The following AEN variants were observed in gnomAD, a reference collection of about 807,000 sequenced individuals.
AEN encodes the protein apoptosis-enhancing nuclease.
AEN carries 21 observed loss-of-function variants against 17.7 expected under a neutral mutation model. The ratio of observed to expected loss-of-function variants is 1.19; its 90% confidence interval spans 0.84 to 1.71. The LOEUF (loss-of-function observed/expected upper bound fraction) is 1.71. AEN is among the 40% of genes most tolerant of loss of function. The probability of loss-of-function intolerance (pLI) is 0.00; values close to 1 mark genes in which losing one functional copy is unlikely to be tolerated. For synonymous variants in AEN, 190 were observed against 173.0 expected, an observed-to-expected ratio of 1.10 and a Z score of -0.77; for missense variants, 462 against 435.9, an observed-to-expected ratio of 1.06 and a Z score of -0.53.
intron 3 of AEN, 92 bp from the exon 4 acceptor site, chr15:88,629,966 C>A: frequency 8.2e-7 from 1 of 1,221,788 alleles, no homozygotes; most frequent in Non-Finnish European, 1.2e-6. Context: ...CTTGGGCCTG[C>A]ACAAAGAGCC....
At position 88,631,359 on chromosome 15, in the gene AEN, G is replaced by C. The variant is rs1019165981; in HGVS notation, c.*1065G>C. On this transcript the variant is annotated 3_prime_UTR_variant, in exon 4 of 4. Coordinates refer to ENST00000332810, the MANE Select transcript of AEN (RefSeq NM_022767.4). Reference sequence around the variant, plus strand: ...CTCTTTGACAATCACTGTGGCTGTTGGGTTTTCTCCTATTTCTAAAAATGT... The same window carrying C: ...CTCTTTGACAATCACTGTGGCTGTTCGGTTTTCTCCTATTTCTAAAAATGT... 6 of 258,364 alleles carry C rather than the reference G, an allele frequency of 2.3e-5. No individual in the cohort carries two copies. Among genetic ancestry groups the C allele is most frequent in the African/African-American group, 1.3e-4 (6 of 45,208 alleles). 16.0% of individuals were successfully genotyped at this position (258,364 alleles called of 1,614,324 possible). A position where few individuals can be genotyped will look rare whatever the true frequency, so the allele number is the denominator to read the frequency against.
upstream of AEN, among the ~76,000 whole-genome samples, chr15:88,617,236 A>T (rs2057745590): frequency 6.6e-6 from 1 of 152,044 alleles, no homozygotes; most frequent in African/African-American, 2.4e-5. Context: ...GACTACAGGC[A>T]TGTGCCACCT....
At chr15:88,609,623 G>A in the AEN span, among the ~76,000 whole-genome samples, 3 of 152,132 alleles carry the variant, frequency 2.0e-5, no homozygotes, top group East Asian at 5.8e-4. Context: ...TTAGAAGTGG[G>A]GAGTGGAAGT....
chr15:88,623,001 C>T (rs2057807297), intron 1 of AEN, among the ~76,000 whole-genome samples: 1 of 152,098 alleles, frequency 6.6e-6, no homozygotes, highest in Non-Finnish European at 1.5e-5. Context: ...AAAACCTTGC[C>T]AGTAGGATCA....
rs1278614455 is a variant in AEN, at chr15:88,626,330, A to G, written c.121A>G (p.Met41Val). ...AAGGAGCCGACAGCACCAGCGGTTC[A>G]TGGCCCGGAAGGCCTTGCTGCAGGA... ...KRRSRQHQRF[M>V]ARKALLQEQG... The change falls in exon 2 of 4, where the codon ATG (methionine) becomes GTG (valine). Residue 41 changes from methionine to valine, a missense_variant. Coordinates refer to ENST00000332810, the MANE Select transcript of AEN (RefSeq NM_022767.4). 4 of 1,613,470 alleles carry G rather than the reference A, an allele frequency of 2.5e-6. No individual in the cohort carries two copies. The highest frequency in any genetic ancestry group is 4.5e-5 in the East Asian group (2 of 44,880).
At chr15:88,620,284 T>C (rs1436941702), upstream of AEN, among the ~76,000 whole-genome samples, 1 of 152,198 alleles carries the variant, frequency 6.6e-6, no homozygotes, top group Non-Finnish European at 1.5e-5. Context: ...ACTGAAATAA[T>C]AGTAAGGTCA....
At chr15:88,629,678 G>A (rs972979362) in intron 3 of AEN, among the ~76,000 whole-genome samples, 2 of 152,174 alleles carry the variant, frequency 1.3e-5, no homozygotes, top group African/African-American at 4.8e-5. Flanking sequence ...ATCTCTTCCA[G>A]ATCTGTCCCC....
intron 2 of AEN, 174 bp from the exon 3 acceptor site, chr15:88,629,052 C>T (rs1488740777): frequency 1.5e-6 from 1 of 647,410 alleles, no homozygotes; most frequent in Non-Finnish European, 2.7e-6. Flanking sequence ...GTAGAAGGGT[C>T]TGGGTTCAGA....
In AEN at chr15:88,630,171, C is replaced by G. The variant is rs750042398; in HGVS notation, c.855C>G (p.Pro285=). Residue 285 remains proline, a synonymous_variant, in exon 4 of 4, where the codon CCC becomes CCG. Coordinates refer to ENST00000332810, the MANE Select transcript of AEN (RefSeq NM_022767.4). This position sits in a 1 kb window ranked among gnomAD's most constrained non-coding sequence, Gnocchi z 5.1. ...AGGCCCGCAGCCTCTGGACCTGCCC[C>G]GAGGACAGAGAACCTGACAGCAGCA... The part of the protein sequence containing the change: ...QQEARSLWTC[P]EDREPDSSTD... 5.0e-6 allele frequency: 8 copies of G among 1,613,674 alleles called. No homozygotes were observed. The African/African-American group carries it at 8.0e-5, about 16-fold the overall frequency.
intron 1 of AEN, among the ~76,000 whole-genome samples, chr15:88,623,282 A>C (rs1391084606): frequency 6.6e-6 from 1 of 152,210 alleles, no homozygotes; most frequent in Non-Finnish European, 1.5e-5. Flanking sequence ...AGCAGGGTGG[A>C]TGAGTCAGGA....
At chr15:88,613,865 A>G in the AEN span, among the ~76,000 whole-genome samples, 1 of 152,188 alleles carries the variant, frequency 6.6e-6, no homozygotes, top group African/African-American at 2.4e-5. Flanking sequence ...TATACCCAAT[A>G]TTGGTCTCTT....
In AEN at chr15:88,626,351, C is replaced by T. The variant is rs1247105631; in HGVS notation, c.142C>T (p.Gln48Ter). 6.2e-7 allele frequency: 1 copy of T among 1,613,262 alleles called. No individual in the cohort carries two copies. Among genetic ancestry groups the T allele is most frequent in the Non-Finnish European group, 8.5e-7 (1 of 1,179,780 alleles). The change falls in exon 2 of 4, where the codon CAG (glutamine) becomes TAG (stop). Residue 48 changes from glutamine to a stop codon, truncating the protein, a stop_gained. Transcript: ENST00000332810. LOFTEE classifies it high-confidence loss of function. ...GTTCATGGCCCGGAAGGCCTTGCTG[C>T]AGGAGCAGGGGCTGCTGAGCATGCC... is the stretch of plus-strand genomic sequence containing the variant. ...QRFMARKALLQEQGLLSMPPE... is the reference protein window; with the variant it reads ...QRFMARKALL
At chr15:88,624,807 C>T (rs904729920) in intron 1 of AEN, among the ~76,000 whole-genome samples, 24 of 151,466 alleles carry the variant, frequency 1.6e-4, no homozygotes, top group Non-Finnish European at 2.9e-4. Flanking sequence ...CGCTTGAAGC[C>T]GGGAGGCGGA....
chr15:88,615,164 T>C, the AEN span, among the ~76,000 whole-genome samples: 399 of 152,222 alleles, frequency 2.6e-3, 3 homozygotes, highest in African/African-American at 8.4e-3. Context: ...GCGCCCGGCC[T>C]CGTCTGTGTT....
chr15:88,629,944 A>G, intron 3 of AEN, 114 bp from the exon 4 acceptor site: 1 of 925,928 alleles, frequency 1.1e-6, no homozygotes. Context: ...CTCCATTCTG[A>G]GCATACGTAT....
chr15:88,630,175 G>T lies in AEN; in HGVS notation c.859G>T (p.Asp287Tyr). 2 of 1,613,706 alleles carry T rather than the reference G, an allele frequency of 1.2e-6. No homozygotes were observed. Among genetic ancestry groups the T allele is most frequent in the Non-Finnish European group, 1.7e-6 (2 of 1,179,872 alleles). Residue 287 changes from aspartate (D) to tyrosine (Y), a missense_variant, in exon 4 of 4, where the codon GAC (aspartate) becomes TAC (tyrosine). Physicochemically the swap from Asp to Tyr is radical, Grantham distance 160. Transcript: ENST00000332810. This position sits in a 1 kb window ranked among gnomAD's most constrained non-coding sequence, Gnocchi z 5.1. ...EARSLWTCPE[D>Y]REPDSSTDME... ...CCGCAGCCTCTGGACCTGCCCCGAGGACAGAGAACCTGACAGCAGCACAGA... is the reference window on the plus strand; with the variant it reads ...CCGCAGCCTCTGGACCTGCCCCGAGTACAGAGAACCTGACAGCAGCACAGA...
chr15:88,628,914 G>A (rs2057889100), intron 2 of AEN: 2 of 305,764 alleles, frequency 6.5e-6, no homozygotes, highest in East Asian at 1.5e-4. Flanking sequence ...AGAGTTGCTT[G>A]TATCTGGTAA....
upstream of AEN, among the ~76,000 whole-genome samples, chr15:88,621,006 T>C (rs1232326199): frequency 6.6e-6 from 1 of 151,968 alleles, no homozygotes; most frequent in Non-Finnish European, 1.5e-5. Context: ...CAGTAAGTCA[T>C]TCGGCCTTTG....
At position 88,629,216 on chromosome 15, in the gene AEN, C is replaced by T; in HGVS notation, c.541-10C>T. On this transcript the variant is annotated splice_polypyrimidine_tract_variant and intron_variant, in intron 2 of 3. Transcript: ENST00000332810. ...GGGGTGACCTCCCTGACTCCTCTTTCTGCTCACAGATCCTTAAGCTCCTGA... is the reference window on the plus strand; with the variant it reads ...GGGGTGACCTCCCTGACTCCTCTTTTTGCTCACAGATCCTTAAGCTCCTGA... The T allele has an allele frequency of 6.2e-7, 1 of 1,613,712 alleles. No individual in the cohort carries two copies. The highest frequency in any genetic ancestry group is 1.7e-4 in the Middle Eastern group (1 of 6,060).
Sources: gnomAD v4.1 joint callset for allele counts (sites outside exome capture counted in the v4.1 genomes callset) on GRCh38, gnomAD v4.1.1 for gene constraint, Gnocchi (gnomAD v3.1) non-coding constraint, MANE v1.5 for transcripts, NCBI Gene and HGNC (gene_info 2026-07-23, HGNC 2026-07-21) for gene names.